KLF4: variants seen among roughly 807,000 people sequenced by gnomAD.
The protein encoded by KLF4 is Krueppel-like factor 4.
KLF4 carries 14 observed loss-of-function variants against 38.0 expected under a neutral mutation model. The ratio of observed to expected loss-of-function variants is 0.37; its 90% CI spans 0.24 to 0.58. KLF4 has a LOEUF of 0.58. Ranked by LOEUF, KLF4 falls within the 20% of genes least tolerant of loss-of-function variation. The probability of loss-of-function intolerance (pLI) is 0.76; values close to 1 mark genes in which losing one functional copy is unlikely to be tolerated. For synonymous variants in KLF4, 398 were observed against 302.5 expected, an observed-to-expected ratio of 1.32 and a Z score of -3.28; for missense variants, 737 against 670.1, an observed-to-expected ratio of 1.10 and a Z score of -1.10.
At position 107,487,870 on chromosome 9, in the gene KLF4, C is replaced by A. The variant is rs867414047; in HGVS notation, c.524G>T (p.Arg175Met). 1.3e-6 allele frequency: 2 copies of A among 1,538,776 alleles called. No homozygotes were observed. The highest frequency in any genetic ancestry group is 8.8e-7 in the Non-Finnish European group (1 of 1,142,260). ...AGCCGTCGGAGGGGGAGCGGACTCC[C>A]TGCCATAGAGGAGGCCTCCGCCCGT... is the stretch of plus-strand genomic sequence containing the variant. ...GGTGGGLLYG[R>M]ESAPPPTAPF... The change falls in exon 3 of 5, where the codon AGG (arginine) becomes ATG (methionine). Residue 175 changes from arginine (R) to methionine (M), a missense_variant. Transcript: ENST00000374672. The surrounding 1 kb of genome is among the most constrained non-coding windows in gnomAD (Gnocchi z 6.1).
At position 107,488,121 on chromosome 9, in the gene KLF4, T is replaced by G. The variant is rs138746016; in HGVS notation, c.273A>C (p.Leu91=). 9.3e-6 allele frequency: 15 copies of G among 1,612,652 alleles called. No individual in the cohort carries two copies. The South Asian group carries it at 1.6e-4, about 18-fold the overall frequency. Residue 91 remains leucine (L), a synonymous_variant, in exon 3 of 5, where the codon CTA becomes CTC. Transcript: ENST00000374672. The surrounding 1 kb of genome is among the most constrained non-coding windows in gnomAD (Gnocchi z 5.7). ...TGAACTCCTCGGTCTCTCTCCGAGG[T>G]AGGGGCGCCAGGTTGCTACCGCCGC... ...AACGGSNLAP[L]PRRETEEFND... is the part of the protein sequence containing the mutation.
Position 107,487,318 on chromosome 9 carries a change from T to C in KLF4, c.1076A>G (p.Gln359Arg). 6.4e-7 allele frequency: 1 copy of C among 1,569,618 alleles called. No homozygotes were observed. The highest frequency in any genetic ancestry group is 8.6e-7 in the Non-Finnish European group (1 of 1,157,570). ...PSFLPDQMQPQVPPLHYQELM... is the reference protein window; with the variant it reads ...PSFLPDQMQPRVPPLHYQELM... ...ACCTTGGTAATGGAGCGGCGGGACTTGCGGCTGCATCTGATCGGGCAGGAA... is the reference window on the plus strand; with the variant it reads ...ACCTTGGTAATGGAGCGGCGGGACTCGCGGCTGCATCTGATCGGGCAGGAA... Residue 359 changes from glutamine to arginine, a missense_variant, in exon 3 of 5, where the codon CAA (glutamine) becomes CGA (arginine). Physicochemically the swap from Gln to Arg is conservative, Grantham distance 43. Coordinates refer to ENST00000374672, the MANE Select transcript of KLF4 (RefSeq NM_004235.6). This position sits in a 1 kb window ranked among gnomAD's most constrained non-coding sequence, Gnocchi z 6.1.
rs773074447 is a variant in KLF4 at position 107,487,347 on chromosome 9, T to C, written c.1047A>G (p.Pro349=). 1 of 1,549,392 alleles carries C rather than the reference T, an allele frequency of 6.5e-7. No individual in the cohort carries two copies. Reference sequence around the variant, plus strand: ...GCTGCATCTGATCGGGCAGGAAGGATGGGTAATTGGGCCCCGGGTGGGGAT... The same window carrying C: ...GCTGCATCTGATCGGGCAGGAAGGACGGGTAATTGGGCCCCGGGTGGGGAT... The part of the protein sequence containing the change: ...GFHPHPGPNY[P]SFLPDQMQPQ... The change falls in exon 3 of 5, where the codon CCA becomes CCG. Residue 349 remains proline (P), a synonymous_variant. Coordinates refer to ENST00000374672, the MANE Select transcript of KLF4 (RefSeq NM_004235.6). This position sits in a 1 kb window ranked among gnomAD's most constrained non-coding sequence, Gnocchi z 6.1.
rs1324094196 is a variant in KLF4 at position 107,488,348 on chromosome 9, C to A, written c.127-81G>T. The A allele has an allele frequency of 1.1e-5, 16 of 1,459,784 alleles. No individual in the cohort carries two copies. The African/African-American group carries it at 2.1e-4, about 19-fold the overall frequency. The allele number at this position is 1,459,784 out of a possible 1,614,324, so 90.4% of individuals were successfully genotyped here. A position where few individuals can be genotyped will look rare whatever the true frequency, so the allele number is the denominator to read the frequency against. ...CATACTGACGTGCTGGCGGGCCACG[C>A]GCGACTGCACCGCCCAGACATGGGG... On this transcript the variant is annotated intron_variant, in intron 2 of 4. Coordinates refer to ENST00000374672, the MANE Select transcript of KLF4 (RefSeq NM_004235.6). This position sits in a 1 kb window ranked among gnomAD's most constrained non-coding sequence, Gnocchi z 5.7.
Position 107,487,968 on chromosome 9 carries a change from G to A in KLF4, c.426C>T (p.Ala142=), listed in dbSNP as rs915607977. The A allele has an allele frequency of 1.9e-6, 3 of 1,586,464 alleles. No individual in the cohort carries two copies. The highest frequency in any genetic ancestry group is 2.6e-6 in the Non-Finnish European group (3 of 1,167,342). The change falls in exon 3 of 5, where the codon GCC becomes GCT. Residue 142 remains alanine, a synonymous_variant. Transcript: ENST00000374672. The surrounding 1 kb of genome is among the most constrained non-coding windows in gnomAD (Gnocchi z 6.1). ...TGAAGCTGCAGGTGGAGGGCGCGCT[G>A]GCAGGGCCGCTGCTCGACGGCGACG... ...SSSSPSSSGP[A]SAPSTCSFTY... is the part of the protein sequence containing the mutation.
chr9:107,485,171 G>A lies in KLF4; in HGVS notation c.*580C>T, dbSNP rs993629289. 1.5e-5 allele frequency: 3 copies of A among 199,328 alleles called. No homozygotes were observed. Among genetic ancestry groups the A allele is most frequent in the African/African-American group, 6.9e-5 (3 of 43,516 alleles). 12.3% of individuals were successfully genotyped at this position (199,328 alleles called of 1,614,324 possible). A position where few individuals can be genotyped will look rare whatever the true frequency, so the allele number is the denominator to read the frequency against. ...CTGACTTAGGTCATAAATGTTGATC[G>A]GAAGACAAATATAGATTTTCCTTGT... On this transcript the variant is annotated 3_prime_UTR_variant, in exon 5 of 5. Coordinates refer to ENST00000374672, the MANE Select transcript of KLF4 (RefSeq NM_004235.6). The surrounding 1 kb of genome is among the most constrained non-coding windows in gnomAD (Gnocchi z 4.9).
At chr9:107,486,321 A>AT (rs1446586534) in intron 4 of KLF4, among the ~76,000 whole-genome samples, 1 of 152,130 alleles carries the variant, frequency 6.6e-6, no homozygotes, top group African/African-American at 2.4e-5. Flanking sequence ...ACGACTGGGG[A>AT]TAAAAAGCCA....
chr9:107,486,549 AT>A (rs1473444528), intron 4 of KLF4, among the ~76,000 whole-genome samples: 1 of 152,030 alleles, frequency 6.6e-6, no homozygotes, highest in Admixed American at 6.6e-5. Flanking sequence ...CGAACAAAAA[AT>A]AAAAAATAAA....
chr9:107,486,041 A>T, intron 4 of KLF4, 115 bp from the exon 5 acceptor site: 2 of 868,308 alleles, frequency 2.3e-6, no homozygotes, highest in South Asian at 1.6e-5. Flanking sequence ...AAAGAAATCC[A>T]GGAATGTCTT....
rs1829073717 is a variant in KLF4 at position 107,486,937 on chromosome 9, C to G, written c.1264+91G>C. 3 of 1,602,878 alleles carry G rather than the reference C, an allele frequency of 1.9e-6. No homozygotes were observed. The Admixed American group carries it at 5.1e-5, about 27-fold the overall frequency. On this transcript the variant is annotated intron_variant, in intron 4 of 4. Coordinates refer to ENST00000374672, the MANE Select transcript of KLF4 (RefSeq NM_004235.6). ...GTAGCCTATGGGGCTGGAAGCTAAC[C>G]TGGGAAGTCAAGGAGGCACTGAGGA...
rs761099518 is a variant in KLF4, at chr9:107,488,108, T to C, written c.286A>G (p.Thr96Ala). 2 of 1,612,872 alleles carry C rather than the reference T, an allele frequency of 1.2e-6. No homozygotes were observed. The highest frequency in any genetic ancestry group is 1.1e-5 in the South Asian group (1 of 91,084). The change falls in exon 3 of 5, where the codon ACC becomes GCC. Residue 96 changes from threonine (T) to alanine (A), a missense_variant. This residue lies in a region of KLF4 where 695 missense variants were observed against 554.5 expected (regional missense o/e 1.25). Transcript: ENST00000374672. The surrounding 1 kb of genome is among the most constrained non-coding windows in gnomAD (Gnocchi z 5.7). ...SNLAPLPRRE[T>A]EEFNDLLDLD... ...TCCAGGAGATCGTTGAACTCCTCGGTCTCTCTCCGAGGTAGGGGCGCCAGG... is the reference window on the plus strand; with the variant it reads ...TCCAGGAGATCGTTGAACTCCTCGGCCTCTCTCCGAGGTAGGGGCGCCAGG...
rs34660570 is a variant in KLF4 at position 107,487,890 on chromosome 9, G to C, written c.504C>G (p.Gly168=). 6.4e-7 allele frequency: 1 copy of C among 1,553,668 alleles called. No individual in the cohort carries two copies. Among genetic ancestry groups the C allele is most frequent in the Non-Finnish European group, 8.7e-7 (1 of 1,150,066 alleles). The change falls in exon 3 of 5, where the codon GGC becomes GGG. Residue 168 remains glycine, a synonymous_variant. Coordinates refer to ENST00000374672, the MANE Select transcript of KLF4 (RefSeq NM_004235.6). This position sits in a 1 kb window ranked among gnomAD's most constrained non-coding sequence, Gnocchi z 6.1. The part of the protein sequence containing the change: ...NDPGVAPGGT[G]GGLLYGRESA... ...ACTCCCTGCCATAGAGGAGGCCTCC[G>C]CCCGTGCCGCCCGGCGCCACGCCCG...
chr9:107,488,582 G>C lies in KLF4; in HGVS notation c.127-315C>G. 2 of 486,420 alleles carry C rather than the reference G, an allele frequency of 4.1e-6. No individual in the cohort carries two copies. Among genetic ancestry groups the C allele is most frequent in the Non-Finnish European group, 7.2e-6 (2 of 276,314 alleles). 30.1% of individuals were successfully genotyped at this position (486,420 alleles called of 1,614,324 possible). A position where few individuals can be genotyped will look rare whatever the true frequency, so the allele number is the denominator to read the frequency against. On this transcript the variant is annotated intron_variant, in intron 2 of 4. Transcript: ENST00000374672. This position sits in a 1 kb window ranked among gnomAD's most constrained non-coding sequence, Gnocchi z 5.7. Reference sequence around the variant, plus strand: ...TGGCACACCGAGGCTCTCTCGGTGCGCTCTCGCCACGGGGCCGCCTACGCG... The same window carrying C: ...TGGCACACCGAGGCTCTCTCGGTGCCCTCTCGCCACGGGGCCGCCTACGCG...
chr9:107,487,101 A>C lies in KLF4; in HGVS notation c.1191T>G (p.Thr397=), dbSNP rs1415144460. 1 of 1,614,088 alleles carries C rather than the reference A, an allele frequency of 6.2e-7. No homozygotes were observed. The highest frequency in any genetic ancestry group is 2.2e-5 in the East Asian group (1 of 44,844). The part of the protein sequence containing the change: ...SWPRKRTATH[T]CDYAGCGKTY... ...TTTTGCCGCAGCCCGCGTAATCACA[A>C]GTGTGGGTGGCGGTCCTTTTCCGGG... The change falls in exon 4 of 5, where the codon ACT becomes ACG. Residue 397 remains threonine (T), a synonymous_variant. Transcript: ENST00000374672. The surrounding 1 kb of genome is among the most constrained non-coding windows in gnomAD (Gnocchi z 6.1).
In KLF4 at chr9:107,487,385, G is replaced by C. The variant is rs140990946; in HGVS notation, c.1009C>G (p.Pro337Ala). The C allele has an allele frequency of 6.5e-6, 10 of 1,534,522 alleles. No individual in the cohort carries two copies. The African/African-American group carries it at 1.4e-4, about 21-fold the overall frequency. The change falls in exon 3 of 5, where the codon CCT (proline) becomes GCT (alanine). Residue 337 changes from proline (P) to alanine (A), a missense_variant. Pro to Ala is a conservative substitution (Grantham distance 27). This residue lies in a region of KLF4 where 695 missense variants were observed against 554.5 expected (regional missense o/e 1.25). Transcript: ENST00000374672. This position sits in a 1 kb window ranked among gnomAD's most constrained non-coding sequence, Gnocchi z 6.1. ...CCCGGGTGGGGATGGAAGCCGGGAG[G>C]AAGCGGCAGGGCAGGGTGACAGTCC... ...SRDCHPALPL[P>A]PGFHPHPGPN...
At position 107,488,020 on chromosome 9, in the gene KLF4, G is replaced by A. The variant is rs1004753446; in HGVS notation, c.374C>T (p.Ser125Phe). 2 of 1,608,290 alleles carry A rather than the reference G, an allele frequency of 1.2e-6. No individual in the cohort carries two copies. Among genetic ancestry groups the A allele is most frequent in the African/African-American group, 1.3e-5 (1 of 74,842 alleles). ...CGAAGAGGAGGCTGACGCTGACGAG[G>A]ACACGGTGGCGGCCACTGACTCCGG... ...HPPESVAATVSSSASASSSSS... is the reference protein window; with the variant it reads ...HPPESVAATVFSSASASSSSS... Residue 125 changes from serine to phenylalanine, a missense_variant, in exon 3 of 5, where the codon TCC becomes TTC. Around this residue, in one of 2 missense-constraint regions of KLF4, gnomAD observed 695 missense variants for 554.5 expected, o/e 1.25. Coordinates refer to ENST00000374672, the MANE Select transcript of KLF4 (RefSeq NM_004235.6). This position sits in a 1 kb window ranked among gnomAD's most constrained non-coding sequence, Gnocchi z 5.7.
Position 107,486,040 on chromosome 9 carries a change from C to T in KLF4, c.1265-114G>A, listed in dbSNP as rs547534398. On this transcript the variant is annotated intron_variant, in intron 4 of 4. Coordinates refer to ENST00000374672, the MANE Select transcript of KLF4 (RefSeq NM_004235.6). Reference sequence around the variant, plus strand: ...ACTCTGACCCTATCCTAAAGAAATCCAGGAATGTCTTTATACCACTGAAGG... The same window carrying T: ...ACTCTGACCCTATCCTAAAGAAATCTAGGAATGTCTTTATACCACTGAAGG... 9.1e-6 allele frequency: 8 copies of T among 878,320 alleles called. No individual in the cohort carries two copies. The South Asian group carries it at 1.3e-4, about 14-fold the overall frequency. The allele number at this position is 878,320 out of a possible 1,614,324, so 54.4% of individuals were successfully genotyped here. A position where few individuals can be genotyped will look rare whatever the true frequency, so the allele number is the denominator to read the frequency against.
Position 107,487,997 on chromosome 9 carries a change from A to G in KLF4, c.397T>C (p.Ser133Pro), listed in dbSNP as rs770580440. Residue 133 changes from serine to proline, a missense_variant, in exon 3 of 5, where the codon TCG becomes CCG. Ser to Pro is a moderately conservative substitution (Grantham distance 74). Transcript: ENST00000374672. This position sits in a 1 kb window ranked among gnomAD's most constrained non-coding sequence, Gnocchi z 6.1. ...TVSSSASASS[S>P]SSPSSSGPAS... is the part of the protein sequence containing the mutation. ...GGGCCGCTGCTCGACGGCGACGACG[A>G]AGAGGAGGCTGACGCTGACGAGGAC... 8.7e-6 allele frequency: 14 copies of G among 1,601,068 alleles called. No homozygotes were observed. The highest frequency in any genetic ancestry group is 1.2e-5 in the Non-Finnish European group (14 of 1,174,606).
intron 4 of KLF4, 123 bp downstream of exon 4, chr9:107,486,905 T>TC: frequency 6.4e-7 from 1 of 1,568,212 alleles, no homozygotes. Flanking sequence ...CTGAGGAGTG[T>TC]CCACTGGTAG....
Sources: gnomAD v4.1 joint callset for allele counts (sites outside exome capture counted in the v4.1 genomes callset) on GRCh38, gnomAD v4.1.1 for gene constraint, gnomAD v4.1.1 regional missense constraint, Gnocchi (gnomAD v3.1) non-coding constraint, MANE v1.5 for transcripts, NCBI Gene and HGNC (gene_info 2026-07-23, HGNC 2026-07-21) for gene names.